The following LDLRAD4 variants were observed in gnomAD, a reference collection of about 807,000 sequenced individuals.
LDLRAD4 encodes the protein low density lipoprotein receptor class A domain containing 4.
Under a neutral mutation model 17.0 loss-of-function variants are expected in LDLRAD4, and 5 were observed. The observed-to-expected ratio is 0.29, with a 90% CI of 0.15 to 0.62. LDLRAD4 has a LOEUF of 0.62. Among genes scored for constraint, LDLRAD4 ranks in the 20% least tolerant of loss-of-function variants. The pLI is 0.84. For missense variants in LDLRAD4, 340 were observed against 424.7 expected (o/e 0.80, Z 1.75); for synonymous variants, 168 against 171.8 (o/e 0.98, Z 0.17).
At chr18:13,486,954 C>G (rs1385592866) in intron 3 of LDLRAD4, 1 of 152,234 alleles carries the variant, frequency 6.6e-6, no homozygotes, top group Non-Finnish European at 1.5e-5. Flanking sequence ...CCCACACGCA[C>G]CCCAACGCTT....
intron 1 of LDLRAD4, among the ~76,000 whole-genome samples, chr18:13,371,199 C>T (rs1442245206): frequency 2.0e-5 from 3 of 152,102 alleles, no homozygotes; most frequent in Admixed American, 6.5e-5. Flanking sequence ...CTGCTGTGCT[C>T]CTCTCACACC....
chr18:13,561,078 C>T (rs1052551911), intron 3 of LDLRAD4, among the ~76,000 whole-genome samples: 5 of 152,212 alleles, frequency 3.3e-5, no homozygotes, highest in Admixed American at 3.3e-4. Flanking sequence ...GTCACTTGGC[C>T]TTACAGGTAT....
At position 13,540,437 on chromosome 18, in the gene LDLRAD4, G is replaced by A. The variant is rs562609257; in HGVS notation, c.182-80680G>A. ...CATATTTTTTTTCTGGAAGAAATGG[G>A]CATTCCAAATGCATCCTATATAACC... On this transcript the variant is annotated intron_variant, in intron 3 of 5. Transcript: ENST00000359446. 1.7e-4 allele frequency among the ~76,000 whole-genome samples: 26 copies of A among 152,244 alleles called. 2 individuals are homozygous for A. In the East Asian group the frequency reaches 5.0e-3, roughly 29 times the overall value.
chr18:13,241,034 A>AT (rs2042619931), intron 1 of LDLRAD4: 1 of 151,546 alleles, frequency 6.6e-6, no homozygotes. Context: ...GGTTCAAGCG[A>AT]TTCTCCTGCC....
chr18:13,629,366 C>T (rs1355943045), intron 4 of LDLRAD4, among the ~76,000 whole-genome samples: 1 of 152,140 alleles, frequency 6.6e-6, no homozygotes, highest in African/African-American at 2.4e-5. Flanking sequence ...GTGAGACTGA[C>T]GTCCGAGTTA....
intron 1 of LDLRAD4, among the ~76,000 whole-genome samples, chr18:13,247,086 T>G (rs535977731): frequency 2.9e-4 from 44 of 152,322 alleles, no homozygotes; most frequent in African/African-American, 1.0e-3. Flanking sequence ...TCTCACCAGA[T>G]AATCTTTTAA....
intron 1 of LDLRAD4, among the ~76,000 whole-genome samples, chr18:13,252,003 A>G (rs1042470675): frequency 6.6e-6 from 1 of 152,238 alleles, no homozygotes; most frequent in Non-Finnish European, 1.5e-5. Context: ...AATGTCATTT[A>G]TATGGTTCTG....
At chr18:13,518,058 G>A (rs2093896325) in intron 3 of LDLRAD4, among the ~76,000 whole-genome samples, 1 of 152,046 alleles carries the variant, frequency 6.6e-6, no homozygotes, top group South Asian at 2.1e-4. Context: ...TTTTCTTTTT[G>A]TCCTGTTTGT....
At chr18:13,271,057 G>A (rs747822869) in intron 1 of LDLRAD4, among the ~76,000 whole-genome samples, 2 of 152,106 alleles carry the variant, frequency 1.3e-5, no homozygotes, top group Non-Finnish European at 2.9e-5. Context: ...GGAGGAGAAC[G>A]ACCAATAATA....
At chr18:13,384,248 A>T (rs1050090716) in intron 1 of LDLRAD4, among the ~76,000 whole-genome samples, 60 of 152,322 alleles carry the variant, frequency 3.9e-4, no homozygotes, top group African/African-American at 1.4e-3. Flanking sequence ...GCCTTTTGAC[A>T]TGTGGGATGT....
intron 3 of LDLRAD4, among the ~76,000 whole-genome samples, chr18:13,525,100 C>T (rs2094009565): frequency 1.3e-5 from 2 of 152,198 alleles, no homozygotes; most frequent in Admixed American, 6.5e-5. Context: ...GGTCTAGGTG[C>T]AAGGACTAAA....
intron 3 of LDLRAD4, among the ~76,000 whole-genome samples, chr18:13,545,455 G>T (rs1433141846): frequency 6.6e-6 from 1 of 152,178 alleles, no homozygotes; most frequent in East Asian, 1.9e-4. Flanking sequence ...GAAGTTTGCA[G>T]ATTAAGACCA....
chr18:13,325,446 G>A (rs1169465633), intron 1 of LDLRAD4, among the ~76,000 whole-genome samples: 1 of 152,102 alleles, frequency 6.6e-6, no homozygotes, highest in East Asian at 1.9e-4. Flanking sequence ...TGGAAAACCA[G>A]CTCCCAGACC....
intron 2 of LDLRAD4, among the ~76,000 whole-genome samples, chr18:13,412,430 A>G (rs1397149653): frequency 6.6e-6 from 1 of 152,180 alleles, no homozygotes; most frequent in African/African-American, 2.4e-5. Flanking sequence ...ATAAAGAAGT[A>G]TTATCATAAG....
chr18:13,324,433 C>T (rs913925164), intron 1 of LDLRAD4, among the ~76,000 whole-genome samples: 28 of 152,232 alleles, frequency 1.8e-4, no homozygotes, highest in South Asian at 2.1e-4. Flanking sequence ...TGAGCCACCG[C>T]GCCTGGCCTC....
At chr18:13,319,178 T>C (rs1486628870) in intron 1 of LDLRAD4, among the ~76,000 whole-genome samples, 2 of 152,246 alleles carry the variant, frequency 1.3e-5, no homozygotes, top group Non-Finnish European at 2.9e-5. Flanking sequence ...CTCCTCTCTG[T>C]CATGGCACCT....
rs576648450 is a variant in LDLRAD4, at chr18:13,577,505, G to C, written c.182-43612G>C. Among the ~76,000 whole-genome samples, 6 of 152,114 alleles carry C rather than the reference G, an allele frequency of 3.9e-5. No homozygotes were observed. In the South Asian group the frequency reaches 1.2e-3, roughly 32 times the overall value. ...GTTATGACTCAGTCTATTGTAATTAGAAAAAAGAGCAACCACTGAGAAAAG... is the reference window on the plus strand; with the variant it reads ...GTTATGACTCAGTCTATTGTAATTACAAAAAAGAGCAACCACTGAGAAAAG... On this transcript the variant is annotated intron_variant, in intron 3 of 5. Transcript: ENST00000359446.
At chr18:13,235,414 G>T (rs2042287143) in intron 1 of LDLRAD4, among the ~76,000 whole-genome samples, 1 of 152,206 alleles carries the variant, frequency 6.6e-6, no homozygotes, top group Non-Finnish European at 1.5e-5. Context: ...ATTATGGTCT[G>T]TGAATCTTTT....
At chr18:13,445,775 G>A (rs937827396) in intron 3 of LDLRAD4, among the ~76,000 whole-genome samples, 7 of 151,658 alleles carry the variant, frequency 4.6e-5, no homozygotes, top group African/African-American at 1.7e-4. Context: ...GGGTGTGTGT[G>A]TGTGTGAGGT....
Sources: gnomAD v4.1 joint callset for allele counts (sites outside exome capture counted in the v4.1 genomes callset) on GRCh38, gnomAD v4.1.1 for gene constraint, MANE v1.5 for transcripts, NCBI Gene and HGNC (gene_info 2026-07-23, HGNC 2026-07-21) for gene names.